The following SLC44A1 variants were observed in gnomAD, a reference collection of about 807,000 sequenced individuals.
SLC44A1 encodes the protein choline transporter-like protein 1.
A neutral mutation model predicts 79.3 loss-of-function variants in SLC44A1; 26 were observed. That is an observed-to-expected ratio of 0.33 (90% CI 0.24 to 0.46). The LOEUF is 0.46. Among genes scored for constraint, SLC44A1 ranks in the 20% least tolerant of loss-of-function variants. The pLI, the probability that SLC44A1 is intolerant of heterozygous loss-of-function variation, is 1.00. For missense variants in SLC44A1, 688 were observed against 798.1 expected (o/e 0.86, Z 1.66); for synonymous variants, 263 against 286.2 (o/e 0.92, Z 0.82).
chr9:105,417,568 T>A (rs1157583844), intron 15 of SLC44A1, among the ~76,000 whole-genome samples: 1 of 152,184 alleles, frequency 6.6e-6, no homozygotes, highest in Non-Finnish European at 1.5e-5. Context: ...CAAAAGGAGC[T>A]AATAATGCCT....
At chr9:105,399,916 C>T (rs1007747984), downstream of SLC44A1, among the ~76,000 whole-genome samples, 2 of 152,162 alleles carry the variant, frequency 1.3e-5, no homozygotes, top group East Asian at 3.8e-4. Context: ...AAATTTTTGG[C>T]CAGGTGCAGT....
chr9:105,415,608 TAAC>T (rs1248702342), intron 15 of SLC44A1, among the ~76,000 whole-genome samples: 2 of 152,122 alleles, frequency 1.3e-5, no homozygotes, highest in African/African-American at 4.8e-5. Context: ...GAGTGACAAT[TAAC>T]AACCCCTGAA....
chr9:105,284,036 G>C (rs1830419582), intron 1 of SLC44A1, among the ~76,000 whole-genome samples: 1 of 152,056 alleles, frequency 6.6e-6, no homozygotes, highest in Non-Finnish European at 1.5e-5. Context: ...TGAGAAGCTA[G>C]GTGCCAGAGT....
chr9:105,377,735 C>A (rs1388635787), intron 13 of SLC44A1, among the ~76,000 whole-genome samples: 1 of 151,418 alleles, frequency 6.6e-6, no homozygotes, highest in African/African-American at 2.4e-5. Flanking sequence ...GCACTCCAGC[C>A]TAGGCGACAG....
At chr9:105,305,153 A>G (rs1466486462) in intron 2 of SLC44A1, among the ~76,000 whole-genome samples, 1 of 150,848 alleles carries the variant, frequency 6.6e-6, no homozygotes, top group Non-Finnish European at 1.5e-5. Flanking sequence ...TTATTTTTGT[A>G]GAGACAGGGT....
At chr9:105,331,398 C>T (rs1003400951) in intron 3 of SLC44A1, among the ~76,000 whole-genome samples, 1 of 152,232 alleles carries the variant, frequency 6.6e-6, no homozygotes, top group Non-Finnish European at 1.5e-5. Context: ...AAATACTCAT[C>T]TGTAGTTTTC....
intron 1 of SLC44A1, among the ~76,000 whole-genome samples, chr9:105,270,458 T>C (rs932491756): frequency 2.0e-5 from 3 of 152,166 alleles, no homozygotes; most frequent in Non-Finnish European, 2.9e-5. Context: ...CACTTAAATA[T>C]AATATCCAGA....
intron 1 of SLC44A1, among the ~76,000 whole-genome samples, chr9:105,278,918 G>A (rs922052729): frequency 1.3e-4 from 20 of 152,164 alleles, no homozygotes; most frequent in Non-Finnish European, 2.6e-4. Context: ...AATTGCATGT[G>A]AGCCAATGTG....
rs1387041591 is a variant in SLC44A1, at chr9:105,405,544, T to G, written c.1950+20042T>G. ...GGCATGTTAACTTATCTGCATACCA[T>G]CTCCACTCACCAGCTTAGCAGCATC... On this transcript the variant is annotated intron_variant, in intron 15 of 15. Coordinates refer to the SLC44A1 transcript ENST00000374724. Among the ~76,000 whole-genome samples, 9 of 152,170 alleles carry G rather than the reference T, an allele frequency of 5.9e-5. 1 individual carries two copies. The highest frequency in any genetic ancestry group is 5.9e-4 in the Admixed American group (9 of 15,288).
intron 3 of SLC44A1, among the ~76,000 whole-genome samples, chr9:105,327,107 T>C (rs1826602990): frequency 6.6e-6 from 1 of 152,224 alleles, no homozygotes; most frequent in Non-Finnish European, 1.5e-5. Flanking sequence ...GTCTAAACTT[T>C]TGAAATCTCC....
chr9:105,271,168 T>G (rs1212885880), intron 1 of SLC44A1, among the ~76,000 whole-genome samples: 1 of 152,192 alleles, frequency 6.6e-6, no homozygotes, highest in Non-Finnish European at 1.5e-5. Flanking sequence ...CTGCTGCAGG[T>G]TTTCTTGTTA....
At chr9:105,341,703 G>C (rs921620725) in intron 4 of SLC44A1, among the ~76,000 whole-genome samples, 1 of 152,140 alleles carries the variant, frequency 6.6e-6, no homozygotes, top group Admixed American at 6.6e-5. Context: ...GGATTTCCCT[G>C]TTCTATTCTA....
rs1331556960 is a variant in SLC44A1, at chr9:105,249,691, AT to A, written c.36+4802del. On this transcript the variant is annotated intron_variant, in intron 1 of 15. Transcript: ENST00000374720. Reference sequence around the variant, plus strand: ...AGGTGCTCGCCACCACACCCAGCTAATTTTTTTTTTTTTTTGTATTTTTAGT... The same window carrying A: ...AGGTGCTCGCCACCACACCCAGCTAATTTTTTTTTTTTTTGTATTTTTAGT... Among the ~76,000 whole-genome samples, 1,063 of 141,676 alleles carry A rather than the reference AT, an allele frequency of 7.5e-3. 10 individuals are homozygous for A. The highest frequency in any genetic ancestry group is 0.024 in the African/African-American group (912 of 37,590). 92.9% of individuals were successfully genotyped at this position (141,676 alleles called of 152,430 possible).
At chr9:105,357,448 C>T (rs1827654233) in intron 6 of SLC44A1, among the ~76,000 whole-genome samples, 1 of 152,112 alleles carries the variant, frequency 6.6e-6, no homozygotes, top group South Asian at 2.1e-4. Flanking sequence ...CATCAGAATT[C>T]TATTTTTTAT....
At chr9:105,418,171 G>A (rs547250385) in intron 15 of SLC44A1, among the ~76,000 whole-genome samples, 5 of 151,712 alleles carry the variant, frequency 3.3e-5, no homozygotes, top group Admixed American at 6.6e-5. Context: ...AAAATTAGTC[G>A]GGTGTAGTGG....
chr9:105,310,803 C>T (rs895315768), intron 3 of SLC44A1, among the ~76,000 whole-genome samples: 1 of 152,052 alleles, frequency 6.6e-6, no homozygotes, highest in Non-Finnish European at 1.5e-5. Flanking sequence ...TGAAGAAATC[C>T]AAATAGTTAA....
chr9:105,251,433 G>A (rs1427417203), intron 1 of SLC44A1, among the ~76,000 whole-genome samples: 3 of 152,102 alleles, frequency 2.0e-5, no homozygotes, highest in African/African-American at 7.2e-5. Context: ...AACTGTTCAT[G>A]CTCCCTTCTA....
rs1167656820 is a variant in SLC44A1 at position 105,374,708 on chromosome 9, A to G, written c.1605A>G (p.Val535=). The change falls in exon 13 of 16, where the codon GTA becomes GTG. Residue 535 remains valine, a synonymous_variant. Transcript: ENST00000374720. ...TGCGAGTGGCTACCATCAACACAGT[A>G]GGAGATTTTATGTTATTCCTTGGCA... ...NALRVATINT[V]GDFMLFLGKV... The G allele has an allele frequency of 2.5e-6, 4 of 1,612,872 alleles. No individual in the cohort carries two copies. In the South Asian group the frequency reaches 4.4e-5, roughly 18 times the overall value.
chr9:105,404,389 TG>T (rs1319148076), intron 15 of SLC44A1, among the ~76,000 whole-genome samples: 22 of 152,308 alleles, frequency 1.4e-4, no homozygotes, highest in African/African-American at 5.3e-4. Flanking sequence ...CTGGTTTGCA[TG>T]CAATGCTGCA....
Sources: gnomAD v4.1 joint callset for allele counts (sites outside exome capture counted in the v4.1 genomes callset) on GRCh38, gnomAD v4.1.1 for gene constraint, MANE v1.5 for transcripts, NCBI Gene and HGNC (gene_info 2026-07-23, HGNC 2026-07-21) for gene names.